Variants in GABRB2 observed in about 807,000 individuals in gnomAD.
The protein encoded by GABRB2 is gamma-aminobutyric acid receptor subunit beta-2.
In GABRB2, 16 loss-of-function variants were observed where a neutral mutation model predicts 54.7. That is an observed-to-expected ratio of 0.29 (90% CI 0.20 to 0.44). GABRB2 has a LOEUF of 0.44. GABRB2 is among the 20% of genes least tolerant of loss of function. The pLI, the probability that GABRB2 is intolerant of heterozygous loss-of-function variation, is 1.00. For missense variants in GABRB2, 355 were observed against 644.0 expected (o/e 0.55, Z 4.86); for synonymous variants, 244 against 233.8 (o/e 1.04, Z -0.40).
At chr5:161,424,106 G>A (rs1324065032) in intron 4 of GABRB2, among the ~76,000 whole-genome samples, 1 of 152,164 alleles carries the variant, frequency 6.6e-6, no homozygotes, top group Non-Finnish European at 1.5e-5. Flanking sequence ...GTTGGTTCAT[G>A]AAGTTTAAGG....
At chr5:161,303,583 T>C (rs940332025) in intron 9 of GABRB2, among the ~76,000 whole-genome samples, 3 of 152,168 alleles carry the variant, frequency 2.0e-5, no homozygotes, top group African/African-American at 7.2e-5. Flanking sequence ...GGCAGATATG[T>C]GGAGTACAAA....
chr5:161,508,590 T>C (rs1759675538), intron 3 of GABRB2, among the ~76,000 whole-genome samples: 2 of 151,938 alleles, frequency 1.3e-5, no homozygotes, highest in Admixed American at 6.6e-5. Flanking sequence ...GACATTAAAA[T>C]ACACTTGCAT....
intron 3 of GABRB2, among the ~76,000 whole-genome samples, chr5:161,515,883 G>A (rs1333081371): frequency 6.6e-6 from 1 of 152,160 alleles, no homozygotes; most frequent in Middle Eastern, 3.2e-3. Flanking sequence ...AAAACAAGCA[G>A]CATGCAGTAT....
chr5:161,288,649 A>G lies in GABRB2; in HGVS notation c.*5432T>C, dbSNP rs1757150241. 1 of 152,628 alleles carries G rather than the reference A, an allele frequency of 6.6e-6. No individual in the cohort carries two copies. The highest frequency in any genetic ancestry group is 2.4e-5 in the African/African-American group (1 of 41,450). The allele number at this position is 152,628 out of a possible 1,614,324, so 9.5% of individuals were successfully genotyped here. On this transcript the variant is annotated 3_prime_UTR_variant, in exon 10 of 10. Transcript: ENST00000393959. Reference sequence around the variant, plus strand: ...AAGACATGAAAATAGATGCAATGATATCCACTGTGTTTTGCATTTTTCTAG... The same window carrying G: ...AAGACATGAAAATAGATGCAATGATGTCCACTGTGTTTTGCATTTTTCTAG...
rs1239369396 is a variant in GABRB2 at position 161,293,158 on chromosome 5, A to G, written c.*923T>C. 1 of 152,196 alleles carries G rather than the reference A, an allele frequency of 6.6e-6. No homozygotes were observed. Among genetic ancestry groups the G allele is most frequent in the Non-Finnish European group, 1.5e-5 (1 of 68,042 alleles). 9.4% of individuals were successfully genotyped at this position (152,196 alleles called of 1,614,324 possible). A position where few individuals can be genotyped will look rare whatever the true frequency, so the allele number is the denominator to read the frequency against. ...TTTCATGGTTATCTTCGATTAAACT[A>G]TAAAAACCTCTTTAGGTATGCTGTC... On this transcript the variant is annotated 3_prime_UTR_variant, in exon 10 of 10. Transcript: ENST00000393959.
intron 3 of GABRB2, among the ~76,000 whole-genome samples, chr5:161,476,771 A>C (rs1758603210): frequency 6.6e-6 from 1 of 151,924 alleles, no homozygotes. Context: ...CTTATTTTAT[A>C]CCATATATAA....
chr5:161,473,236 A>T (rs1193775526), intron 3 of GABRB2, among the ~76,000 whole-genome samples: 1 of 152,034 alleles, frequency 6.6e-6, no homozygotes, highest in Non-Finnish European at 1.5e-5. Flanking sequence ...AAAGCTATGT[A>T]GATTGTATCC....
At chr5:161,332,619 CA>C (rs1235470730) in intron 7 of GABRB2, among the ~76,000 whole-genome samples, 1 of 152,102 alleles carries the variant, frequency 6.6e-6, no homozygotes. Context: ...AGACAAAGCT[CA>C]GAGGTCAAGA....
intron 5 of GABRB2, among the ~76,000 whole-genome samples, chr5:161,371,777 A>T (rs948707911): frequency 6.6e-5 from 10 of 151,872 alleles, no homozygotes; most frequent in Admixed American, 2.0e-4. Flanking sequence ...GCTGGAGTGC[A>T]TTGGGGCAAT....
intron 5 of GABRB2, among the ~76,000 whole-genome samples, chr5:161,404,487 T>TCA (rs886917625): frequency 2.0e-4 from 31 of 152,006 alleles, no homozygotes; most frequent in East Asian, 1.5e-3. Flanking sequence ...CACCCCCCTT[T>TCA]CACACACACA....
In GABRB2 at chr5:161,294,202, T is replaced by C; in HGVS notation, c.1418A>G (p.Gln473Arg). Residue 473 changes from glutamine to arginine, a missense_variant, in exon 10 of 10, where the codon CAA becomes CGA. Transcript: ENST00000393959. Reference sequence around the variant, plus strand: ...CAAGTCAGGGATGGTGATTTTCAGTTGGGAGGCGCGTCTCCTCAGGCGACT... The same window carrying C: ...CAAGTCAGGGATGGTGATTTTCAGTCGGGAGGCGCGTCTCCTCAGGCGACT... Reference protein sequence around the residue: ...KKSRLRRRASQLKITIPDLTD... With the variant: ...KKSRLRRRASRLKITIPDLTD... 1 of 1,614,142 alleles carries C rather than the reference T, an allele frequency of 6.2e-7. No homozygotes were observed.
intron 4 of GABRB2, among the ~76,000 whole-genome samples, chr5:161,446,460 T>C (rs1309677366): frequency 6.6e-6 from 1 of 152,156 alleles, no homozygotes; most frequent in Non-Finnish European, 1.5e-5. Context: ...AAGAGAATTC[T>C]GAGTACGTCC....
intron 5 of GABRB2, among the ~76,000 whole-genome samples, chr5:161,375,758 T>C (rs1385302821): frequency 6.6e-6 from 1 of 152,182 alleles, no homozygotes; most frequent in Non-Finnish European, 1.5e-5. Flanking sequence ...TTAAATGAGA[T>C]AATGCTTTTA....
chr5:161,508,096 T>C (rs575031476), intron 3 of GABRB2, among the ~76,000 whole-genome samples: 10 of 152,034 alleles, frequency 6.6e-5, no homozygotes, highest in South Asian at 2.1e-4. Context: ...TTAAGTACTA[T>C]TTATTAAATA....
chr5:161,411,119 A>T, intron 4 of GABRB2, 62 bp from the exon 5 acceptor site: 1 of 1,239,170 alleles, frequency 8.1e-7, no homozygotes. Context: ...CTGGAAATTT[A>T]AATCTAAGTA....
chr5:161,505,410 C>T (rs527344911), intron 3 of GABRB2, among the ~76,000 whole-genome samples: 123 of 152,156 alleles, frequency 8.1e-4, no homozygotes, highest in Non-Finnish European at 1.5e-3. Context: ...GGATTACAGG[C>T]GTGAGCCACC....
At chr5:161,483,431 T>A (rs1441857892) in intron 3 of GABRB2, among the ~76,000 whole-genome samples, 1 of 151,892 alleles carries the variant, frequency 6.6e-6, no homozygotes, top group African/African-American at 2.4e-5. Context: ...AAAATTAAGA[T>A]GAAACCAGGG....
intron 3 of GABRB2, among the ~76,000 whole-genome samples, chr5:161,508,742 C>A (rs888668434): frequency 1.3e-5 from 2 of 151,962 alleles, no homozygotes; most frequent in Admixed American, 6.6e-5. Context: ...AGGATGAATG[C>A]ATAGCATTTT....
chr5:161,545,165 T>A, intron 3 of GABRB2, 62 bp downstream of exon 3: 10 of 1,248,364 alleles, frequency 8.0e-6, no homozygotes, highest in Non-Finnish European at 1.0e-5. Flanking sequence ...AGCTGGCTCA[T>A]TTCTCCTTCC....
Sources: allele counts gnomAD v4.1 joint callset (sites outside exome capture counted in the v4.1 genomes callset), GRCh38; gene constraint gnomAD v4.1.1; transcripts MANE v1.5; gene names NCBI Gene and HGNC (gene_info 2026-07-23, HGNC 2026-07-21).